Variants in RFPL2 observed in about 807,000 individuals in gnomAD.
RFPL2 encodes ret finger protein like 2.
A neutral mutation model predicts 17.8 loss-of-function variants in RFPL2; 13 were observed. That is an observed-to-expected ratio of 0.73 (90% CI 0.47 to 1.16). The LOEUF (loss-of-function observed/expected upper bound fraction) is 1.16, where lower values mean the gene tolerates loss of function less well. Among genes scored for constraint, RFPL2 ranks in the 50% most tolerant of loss-of-function variants. The pLI, the probability that RFPL2 is intolerant of heterozygous loss-of-function variation, is 0.00. For missense variants in RFPL2, 431 were observed against 479.3 expected, an observed-to-expected ratio of 0.90 and a Z score of 0.94; for synonymous variants, 189 against 180.9, an observed-to-expected ratio of 1.04 and a Z score of -0.36.
At chr22:32,202,842 G>C (rs1924083393) in intron 1 of RFPL2, 1 of 1,052,574 alleles carries the variant, frequency 9.5e-7, no homozygotes, top group Admixed American at 5.1e-5. Context: ...GCCGGTTCCC[G>C]TTCCTGATGC....
intron 2 of RFPL2, among the ~76,000 whole-genome samples, chr22:32,199,204 G>C (rs2123797534): frequency 6.6e-6 from 1 of 152,274 alleles, no homozygotes; most frequent in East Asian, 1.9e-4. Flanking sequence ...AGTCAGGAGA[G>C]AGGGGAAGGC....
At chr22:32,202,202 A>C (rs1923988260) in intron 2 of RFPL2, 131 bp downstream of exon 2, 96 of 1,020,208 alleles carry the variant, frequency 9.4e-5, no homozygotes, top group Middle Eastern at 2.2e-4. Flanking sequence ...CTCTCCCTGG[A>C]CTCCCCTCTC....
chr22:32,204,914 A>G lies in RFPL2; in HGVS notation c.-307T>C, dbSNP rs1924365626. ...AGTCTTAGGATAACCAATCAGAACA[A>G]GATAACAAAGCCCGATCAGAGTAGG... On this transcript the variant is annotated 5_prime_UTR_variant, in exon 1 of 5. Coordinates refer to ENST00000652607, the MANE Select transcript of RFPL2 (RefSeq NM_001394555.1). Among the ~76,000 whole-genome samples, 1 of 152,268 alleles carries G rather than the reference A, an allele frequency of 6.6e-6. No homozygotes were observed. Among genetic ancestry groups the G allele is most frequent in the Non-Finnish European group, 1.5e-5 (1 of 68,038 alleles).
At chr22:32,198,239 G>A (rs1923554170) in intron 2 of RFPL2, among the ~76,000 whole-genome samples, 1 of 152,120 alleles carries the variant, frequency 6.6e-6, no homozygotes, top group South Asian at 2.1e-4. Context: ...CCTCCTTAGG[G>A]AAGCAAATGC....
At position 32,193,199 on chromosome 22, in the gene RFPL2, G is replaced by A; in HGVS notation, c.266-7C>T. ...AAGAGTGCAGCCATGTCCACTGCCA[G>A]GGGAAAAGTACACAAGGTAAAAAAA... On this transcript the variant is annotated splice_polypyrimidine_tract_variant and splice_region_variant and intron_variant, in intron 3 of 4. Transcript: ENST00000652607. The A allele has an allele frequency of 6.2e-7, 1 of 1,613,954 alleles. No homozygotes were observed.
rs1922634475 is a variant in RFPL2 at position 32,191,369 on chromosome 22, A to G, written c.557-17T>C. 2 of 1,597,228 alleles carry G rather than the reference A, an allele frequency of 1.3e-6. No individual in the cohort carries two copies. The highest frequency in any genetic ancestry group is 1.7e-5 in the Admixed American group (1 of 58,468). On this transcript the variant is annotated splice_polypyrimidine_tract_variant and intron_variant, in intron 4 of 4. Transcript: ENST00000652607. ...TCATATCCACTGTGAAAAGGAAAAA[A>G]AGTTGCTCAGCAAATGGACAGAAAC...
At chr22:32,195,606 C>A (rs922398370) in intron 2 of RFPL2, among the ~76,000 whole-genome samples, 1 of 151,862 alleles carries the variant, frequency 6.6e-6, no homozygotes, top group East Asian at 1.9e-4. Context: ...CAGGCATGTG[C>A]CACCATGCCT....
chr22:32,197,682 T>C (rs968286286), intron 2 of RFPL2, among the ~76,000 whole-genome samples: 1 of 152,174 alleles, frequency 6.6e-6, no homozygotes, highest in Non-Finnish European at 1.5e-5. Context: ...CTTGCGTTGG[T>C]TTGCTCAGAA....
chr22:32,193,077 T>G lies in RFPL2; in HGVS notation c.381A>C (p.Ser127=). The G allele has an allele frequency of 6.2e-7, 1 of 1,613,894 alleles. No homozygotes were observed. The highest frequency in any genetic ancestry group is 8.5e-7 in the Non-Finnish European group (1 of 1,179,856). Reference sequence around the variant, plus strand: ...CCTCCCCATGGGGCTCCTTCTGCAGTGAATTAATGCACTTGAGGCAGACGG... The same window carrying G: ...CCTCCCCATGGGGCTCCTTCTGCAGGGAATTAATGCACTTGAGGCAGACGG... ...GCAVCLKCIN[S]LQKEPHGEDL... Residue 127 remains serine (S), a synonymous_variant, in exon 4 of 5, where the codon TCA becomes TCC. Coordinates refer to ENST00000652607, the MANE Select transcript of RFPL2 (RefSeq NM_001394555.1).
intron 3 of RFPL2, among the ~76,000 whole-genome samples, chr22:32,193,828 A>G (rs1232895838): frequency 2.2e-5 from 3 of 136,874 alleles, no homozygotes; most frequent in African/African-American, 8.6e-5. Flanking sequence ...CTGCCATTGC[A>G]CTCTGGCCTG....
chr22:32,200,893 C>T (rs1363081580), intron 2 of RFPL2, among the ~76,000 whole-genome samples: 1 of 152,038 alleles, frequency 6.6e-6, no homozygotes, highest in Admixed American at 6.5e-5. Flanking sequence ...CACCTTACAG[C>T]AGGTTCAGAG....
At position 32,193,358 on chromosome 22, in the gene RFPL2, G is replaced by A. The variant is rs991801449; in HGVS notation, c.266-166C>T. The A allele has an allele frequency of 2.2e-5, 34 of 1,555,408 alleles. No homozygotes were observed. In the East Asian group the frequency reaches 4.1e-4, roughly 19 times the overall value. On this transcript the variant is annotated intron_variant, in intron 3 of 4. Coordinates refer to ENST00000652607, the MANE Select transcript of RFPL2 (RefSeq NM_001394555.1). ...ACTCAAGCACATCCCCCCACCCCCC[G>A]TCTTCAGAGATTTGAAGTTCTATTG... is the stretch of plus-strand genomic sequence containing the variant.
rs1923988863 is a variant in RFPL2, at chr22:32,202,205, C to T, written c.119+128G>A. On this transcript the variant is annotated intron_variant, in intron 2 of 4. Coordinates refer to ENST00000652607, the MANE Select transcript of RFPL2 (RefSeq NM_001394555.1). ...CTTTCTGTCTTCCTCTCCCTGGACT[C>T]CCCTCTCCTTCTCTCTCCCTCCATC... The T allele has an allele frequency of 2.6e-5, 31 of 1,175,342 alleles. No homozygotes were observed. In the South Asian group the frequency reaches 4.6e-4, roughly 18 times the overall value. The allele number at this position is 1,175,342 out of a possible 1,614,324, so 72.8% of individuals were successfully genotyped here.
rs755970344 is a variant in RFPL2, at chr22:32,202,395, A to T, written c.57T>A (p.Cys19Ter). ...PETAVSQSRI[C>*]LCAVLCGHWD... ...AGTGGCCACACAATACAGCACATAG[A>T]CAGATCCTGGATTGGGACACTGCAG... is the stretch of plus-strand genomic sequence containing the variant. Residue 19 changes from cysteine to a stop codon, truncating the protein, a stop_gained, in exon 2 of 5, where the codon TGT becomes TGA. Coordinates refer to ENST00000652607, the MANE Select transcript of RFPL2 (RefSeq NM_001394555.1). LOFTEE classifies it high-confidence loss of function. 1 of 1,606,084 alleles carries T rather than the reference A, an allele frequency of 6.2e-7. No individual in the cohort carries two copies. The highest frequency in any genetic ancestry group is 2.2e-5 in the East Asian group (1 of 44,692).
intron 2 of RFPL2, among the ~76,000 whole-genome samples, chr22:32,200,794 G>C (rs1322274323): frequency 6.6e-6 from 1 of 151,994 alleles, no homozygotes; most frequent in Non-Finnish European, 1.5e-5. Context: ...TCTCTGCCCA[G>C]CTCCCCAGCC....
chr22:32,200,020 C>A, intron 2 of RFPL2: 5 of 467,452 alleles, frequency 1.1e-5, no homozygotes, highest in South Asian at 6.6e-5. Flanking sequence ...GGCTTCTACC[C>A]GGGAGCTGTG....
intron 4 of RFPL2, among the ~76,000 whole-genome samples, chr22:32,192,212 T>C (rs902674886): frequency 7.2e-5 from 11 of 152,192 alleles, no homozygotes; most frequent in African/African-American, 2.7e-4. Flanking sequence ...GGGGACATCA[T>C]AGGGGCCCAC....
intron 2 of RFPL2, among the ~76,000 whole-genome samples, chr22:32,197,077 C>A (rs942592249): frequency 1.1e-4 from 16 of 152,158 alleles, no homozygotes; most frequent in African/African-American, 3.9e-4. Context: ...TTTATTTGCC[C>A]TGCTCAGGAG....
rs999765191 is a variant in RFPL2 at position 32,204,979 on chromosome 22, G to A, written c.-372C>T. On this transcript the variant is annotated 5_prime_UTR_variant, in exon 1 of 5. Coordinates refer to ENST00000652607, the MANE Select transcript of RFPL2 (RefSeq NM_001394555.1). Reference sequence around the variant, plus strand: ...TCATCCGATCAGACTATGTAGTCGAGAAACTTCATTTGCATTAAACTCAGT... The same window carrying A: ...TCATCCGATCAGACTATGTAGTCGAAAAACTTCATTTGCATTAAACTCAGT... 2 of 152,246 alleles carry A rather than the reference G, an allele frequency of 1.3e-5. No homozygotes were observed. Among genetic ancestry groups the A allele is most frequent in the African/African-American group, 4.8e-5 (2 of 41,468 alleles). The allele number at this position is 152,246 out of a possible 1,614,324, so 9.4% of individuals were successfully genotyped here.
Sources: gnomAD v4.1 joint callset for allele counts (sites outside exome capture counted in the v4.1 genomes callset) on GRCh38, gnomAD v4.1.1 for gene constraint, MANE v1.5 for transcripts, NCBI Gene and HGNC (gene_info 2026-07-23, HGNC 2026-07-21) for gene names.